The following PPARA variants were observed in gnomAD, a reference collection of about 807,000 sequenced individuals.
The protein encoded by PPARA is peroxisome proliferator-activated receptor alpha.
In PPARA, 22 loss-of-function variants were observed where a neutral mutation model predicts 42.2. That is an observed-to-expected ratio of 0.52 (90% CI 0.37 to 0.74). The LOEUF is 0.74. Among genes scored for constraint, PPARA ranks in the 30% least tolerant of loss-of-function variants. PPARA has a pLI of 0.00. For synonymous variants in PPARA, 242 were observed against 239.3 expected, an observed-to-expected ratio of 1.01 and a Z score of -0.10; for missense variants, 465 against 608.2, an observed-to-expected ratio of 0.76 and a Z score of 2.48.
At position 46,242,593 on chromosome 22, in the gene PPARA, T is replaced by C. The variant is rs1936401575; in HGVS notation, c.*7213T>C. The C allele has an allele frequency of 6.6e-6, 1 of 152,670 alleles. No individual in the cohort carries two copies. Among genetic ancestry groups the C allele is most frequent in the Non-Finnish European group, 1.5e-5 (1 of 68,040 alleles). 9.5% of individuals were successfully genotyped at this position (152,670 alleles called of 1,614,324 possible). ...TATTTTACTAACTTACAATCACTCA[T>C]TTAATAAGAAACATTTGGATTCTTT... On this transcript the variant is annotated 3_prime_UTR_variant, in exon 9 of 9. Coordinates refer to ENST00000407236, the MANE Select transcript of PPARA (RefSeq NM_005036.6). This position sits in a 1 kb window ranked among gnomAD's most constrained non-coding sequence, Gnocchi z 6.1.
intron 2 of PPARA, among the ~76,000 whole-genome samples, chr22:46,166,513 G>C (rs185757798): frequency 6.6e-6 from 1 of 152,124 alleles, no homozygotes; most frequent in African/African-American, 2.4e-5. Context: ...AGTTACTGGG[G>C]AGGCTGAGGC....
At chr22:46,175,738 C>A (rs1818773206) in intron 2 of PPARA, among the ~76,000 whole-genome samples, 2 of 151,204 alleles carry the variant, frequency 1.3e-5, no homozygotes, top group South Asian at 4.2e-4. Flanking sequence ...AAGAATGTCA[C>A]ATAATGAATC....
rs1386945555 is a variant in PPARA, at chr22:46,214,080, T to G, written c.209-1093T>G. On this transcript the variant is annotated intron_variant, in intron 4 of 8. Coordinates refer to ENST00000407236, the MANE Select transcript of PPARA (RefSeq NM_005036.6). ...CTTTCATGGATTGTGCATTTGGTGT[T>G]GCCCACACAGATTTTTATACTGTAT... Among the ~76,000 whole-genome samples, 3 of 152,382 alleles carry G rather than the reference T, an allele frequency of 2.0e-5. No homozygotes were observed. The East Asian group carries it at 5.8e-4, about 29-fold the overall frequency.
intron 4 of PPARA, among the ~76,000 whole-genome samples, chr22:46,208,919 T>TGC (rs1243539277): frequency 6.0e-5 from 8 of 134,054 alleles, no homozygotes; most frequent in African/African-American, 3.1e-4. Flanking sequence ...TGTGTGTGCG[T>TGC]GTGTGTGTGT....
In PPARA at chr22:46,232,690, T is replaced by G. The variant is rs538349230; in HGVS notation, c.1159+451T>G. ...TATATATTTTGCACAAATATATATA[T>G]AGAGAAAAAGAGGTCGGACATGGGC... is the stretch of plus-strand genomic sequence containing the variant. On this transcript the variant is annotated intron_variant, in intron 8 of 8. Transcript: ENST00000407236. The surrounding 1 kb of genome is among the most constrained non-coding windows in gnomAD (Gnocchi z 5.3). Among the ~76,000 whole-genome samples the G allele has an allele frequency of 7.9e-5, 12 of 151,130 alleles. No individual in the cohort carries two copies. In the East Asian group the frequency reaches 9.7e-4, roughly 12 times the overall value.
At chr22:46,177,651 T>G (rs1185771815) in intron 3 of PPARA, among the ~76,000 whole-genome samples, 1 of 152,042 alleles carries the variant, frequency 6.6e-6, no homozygotes. Context: ...TGTCAGAACC[T>G]CAGGTGTATG....
intron 4 of PPARA, among the ~76,000 whole-genome samples, chr22:46,199,361 G>A (rs1037550856): frequency 2.0e-5 from 3 of 152,140 alleles, no homozygotes; most frequent in Admixed American, 6.5e-5. Context: ...GGCTAGGCGC[G>A]GTGGCTCACG....
rs918051373 is a variant in PPARA, at chr22:46,165,709, T to A, written c.-126-11044T>A. On this transcript the variant is annotated intron_variant, in intron 2 of 8. Transcript: ENST00000407236. The surrounding 1 kb of genome is among the most constrained non-coding windows in gnomAD (Gnocchi z 5.5). Reference sequence around the variant, plus strand: ...TCTAGCTACGCCCAGTCCTTGAGACTGGATTAAGGTGATCTCAGATTGCAA... The same window carrying A: ...TCTAGCTACGCCCAGTCCTTGAGACAGGATTAAGGTGATCTCAGATTGCAA... Among the ~76,000 whole-genome samples, 1 of 152,250 alleles carries A rather than the reference T, an allele frequency of 6.6e-6. No individual in the cohort carries two copies. The highest frequency in any genetic ancestry group is 2.4e-5 in the African/African-American group (1 of 41,466).
At chr22:46,178,880 G>T (rs1473313313) in intron 3 of PPARA, among the ~76,000 whole-genome samples, 1 of 152,166 alleles carries the variant, frequency 6.6e-6, no homozygotes, top group Non-Finnish European at 1.5e-5. Flanking sequence ...AGAATCTCGG[G>T]TGTATACACA....
At chr22:46,207,791 G>A (rs931519791) in intron 4 of PPARA, among the ~76,000 whole-genome samples, 22 of 146,926 alleles carry the variant, frequency 1.5e-4, no homozygotes, top group African/African-American at 5.0e-4. Flanking sequence ...TCAAGCAATC[G>A]TCCTGCCTCA....
chr22:46,181,753 T>C (rs1009009975), intron 3 of PPARA, among the ~76,000 whole-genome samples: 5 of 152,162 alleles, frequency 3.3e-5, no homozygotes, highest in East Asian at 1.9e-4. Flanking sequence ...CATACATCAA[T>C]TCCTGGATGA....
intron 4 of PPARA, among the ~76,000 whole-genome samples, chr22:46,201,594 C>A (rs1932841705): frequency 6.6e-6 from 1 of 152,126 alleles, no homozygotes; most frequent in African/African-American, 2.4e-5. Context: ...ATGGCCTTGA[C>A]AATGACCGCA....
rs56838159 is a variant in PPARA at position 46,191,485 on chromosome 22, G to GTTT, written c.-42-6843_-42-6841dup. On this transcript the variant is annotated intron_variant, in intron 3 of 8. Coordinates refer to ENST00000407236, the MANE Select transcript of PPARA (RefSeq NM_005036.6). The surrounding 1 kb of genome is among the most constrained non-coding windows in gnomAD (Gnocchi z 4.6). ...GTTCCTCCCTATTGTGTTCAGTATG[G>GTTT]TTTTTTTTTTTTTTTTCCTTTTGCT... 5.1e-5 allele frequency among the ~76,000 whole-genome samples: 7 copies of GTTT among 137,410 alleles called. No homozygotes were observed. The highest frequency in any genetic ancestry group is 1.6e-5 in the Non-Finnish European group (1 of 62,698). 90.1% of individuals were successfully genotyped at this position (137,410 alleles called of 152,430 possible). A position where few individuals can be genotyped will look rare whatever the true frequency, so the allele number is the denominator to read the frequency against.
intron 3 of PPARA, among the ~76,000 whole-genome samples, chr22:46,185,592 GT>G (rs1016685927): frequency 1.5e-4 from 23 of 149,886 alleles, no homozygotes; most frequent in Admixed American, 1.5e-3. Context: ...AAGGAGAGAA[GT>G]TTAAAAATAT....
chr22:46,209,840 G>C (rs376853423), intron 4 of PPARA, among the ~76,000 whole-genome samples: 1 of 152,060 alleles, frequency 6.6e-6, no homozygotes, highest in African/African-American at 2.4e-5. Flanking sequence ...CAACCTCCTC[G>C]TCTCAAGGAA....
In PPARA at chr22:46,239,935, C is replaced by A; in HGVS notation, c.*4555C>A. 2.6e-6 allele frequency: 1 copy of A among 379,158 alleles called. No individual in the cohort carries two copies. The highest frequency in any genetic ancestry group is 4.7e-6 in the Non-Finnish European group (1 of 214,502). The allele number at this position is 379,158 out of a possible 1,614,324, so 23.5% of individuals were successfully genotyped here. The stretch of plus-strand genomic sequence containing the variant: ...CATACATGATGGAGGGTTTTTTGGT[C>A]CTGATCCAGTGGCCACACCTGTCTT... On this transcript the variant is annotated 3_prime_UTR_variant, in exon 9 of 9. Transcript: ENST00000407236.
intron 3 of PPARA, among the ~76,000 whole-genome samples, chr22:46,177,707 A>G (rs752778451): frequency 6.6e-6 from 1 of 151,786 alleles, no homozygotes; most frequent in Admixed American, 6.6e-5. Context: ...GATGAGACAG[A>G]TCAGAACCTC....
rs1433300830 is a variant in PPARA, at chr22:46,233,331, A to G, written c.1159+1092A>G. Among the ~76,000 whole-genome samples the G allele has an allele frequency of 1.3e-5, 2 of 152,108 alleles. No individual in the cohort carries two copies. Among genetic ancestry groups the G allele is most frequent in the African/African-American group, 4.8e-5 (2 of 41,418 alleles). ...TGGAAGCTGGCTCTGCAGCCTCCAC[A>G]TTTTTGGCTCGGTGTCACGTTCCTT... On this transcript the variant is annotated intron_variant, in intron 8 of 8. Transcript: ENST00000407236. The surrounding 1 kb of genome is among the most constrained non-coding windows in gnomAD (Gnocchi z 7.3).
At position 46,242,729 on chromosome 22, in the gene PPARA, GTGCACACA is replaced by G. The variant is rs762327144; in HGVS notation, c.*7350_*7357del. 0.092 allele frequency: 11,589 copies of G among 126,572 alleles called. 574 individuals carry two copies. Among genetic ancestry groups the G allele is most frequent in the Non-Finnish European group, 0.12 (7,569 of 65,404 alleles). The allele number at this position is 126,572 out of a possible 1,614,324, so 7.8% of individuals were successfully genotyped here. ...TAAAATACACTGCGTACACGTGTGC[GTGCACACA>G]CACACACACACACACACACACACAG... On this transcript the variant is annotated 3_prime_UTR_variant, in exon 9 of 9. Transcript: ENST00000407236. This position sits in a 1 kb window ranked among gnomAD's most constrained non-coding sequence, Gnocchi z 6.1.
Sources: gnomAD v4.1 joint callset for allele counts (sites outside exome capture counted in the v4.1 genomes callset) on GRCh38, gnomAD v4.1.1 for gene constraint, Gnocchi (gnomAD v3.1) non-coding constraint, MANE v1.5 for transcripts, NCBI Gene and HGNC (gene_info 2026-07-23, HGNC 2026-07-21) for gene names.